Variants in PRKG1 observed in about 807,000 individuals in gnomAD.
PRKG1 encodes cGMP-dependent protein kinase 1.
PRKG1 carries 35 observed loss-of-function variants against 88.1 expected under a neutral mutation model. The ratio of observed to expected loss-of-function variants is 0.40; its 90% CI spans 0.30 to 0.53. The LOEUF (loss-of-function observed/expected upper bound fraction) is 0.53, where lower values mean the gene tolerates loss of function less well. PRKG1 is among the 20% of genes least tolerant of loss of function. PRKG1 has a pLI of 0.59. For missense variants in PRKG1, 540 were observed against 839.8 expected (o/e 0.64, Z 4.41); for synonymous variants, 303 against 292.5 (o/e 1.04, Z -0.37).
chr10:51,667,930 G>A (rs944869809), intron 3 of PRKG1, among the ~76,000 whole-genome samples: 1 of 152,066 alleles, frequency 6.6e-6, no homozygotes, highest in Non-Finnish European at 1.5e-5. Context: ...TGGCCCTGAA[G>A]TTGGTTGAGA....
At chr10:52,100,510 G>A (rs957150601) in intron 7 of PRKG1, among the ~76,000 whole-genome samples, 3 of 152,204 alleles carry the variant, frequency 2.0e-5, no homozygotes, top group Non-Finnish European at 4.4e-5. Flanking sequence ...AGGGTTAAAT[G>A]CTATAGATTT....
chr10:52,106,266 T>C (rs1847419460), intron 7 of PRKG1, among the ~76,000 whole-genome samples: 2 of 152,230 alleles, frequency 1.3e-5, no homozygotes, highest in South Asian at 4.1e-4. Context: ...CAAAAACTAT[T>C]TGGCATGACT....
intron 3 of PRKG1, among the ~76,000 whole-genome samples, chr10:51,536,228 G>A (rs1842148013): frequency 6.6e-6 from 1 of 152,134 alleles, no homozygotes; most frequent in Non-Finnish European, 1.5e-5. Flanking sequence ...GCAGTGCTGG[G>A]AAAGGACACT....
At chr10:51,607,053 G>A (rs1024416145) in intron 3 of PRKG1, among the ~76,000 whole-genome samples, 6 of 152,170 alleles carry the variant, frequency 3.9e-5, no homozygotes, top group Non-Finnish European at 8.8e-5. Flanking sequence ...TGTGTCTGCT[G>A]ATGAAAAGCC....
In PRKG1 at chr10:51,907,584, GC is replaced by G. The variant is rs778650565; in HGVS notation, c.762+16del. On this transcript the variant is annotated intron_variant, in intron 5 of 17. Coordinates refer to ENST00000373980, the MANE Select transcript of PRKG1 (RefSeq NM_006258.4). ...GTCCTTGAAGAGGTAATTGTTTTTA[GC>G]CTTTGAACTTTTTGAGATGGGATCC... The G allele has an allele frequency of 6.2e-7, 1 of 1,609,930 alleles. No individual in the cohort carries two copies. The highest frequency in any genetic ancestry group is 1.7e-5 in the Admixed American group (1 of 59,906).
At chr10:52,054,274 A>C (rs1846056755) in intron 5 of PRKG1, among the ~76,000 whole-genome samples, 1 of 152,176 alleles carries the variant, frequency 6.6e-6, no homozygotes, top group Non-Finnish European at 1.5e-5. Flanking sequence ...TGTAATAATA[A>C]TAAAAAAAGA....
intron 3 of PRKG1, among the ~76,000 whole-genome samples, chr10:51,617,439 G>T (rs1244258186): frequency 6.6e-6 from 1 of 152,080 alleles, no homozygotes; most frequent in African/African-American, 2.4e-5. Flanking sequence ...AGCCCCCAAG[G>T]TGCTGGTACC....
At chr10:51,602,343 T>G (rs1037186063) in intron 3 of PRKG1, among the ~76,000 whole-genome samples, 2 of 152,194 alleles carry the variant, frequency 1.3e-5, no homozygotes, top group African/African-American at 2.4e-5. Context: ...CAGAAATTAT[T>G]TGAGTTATTT....
intron 2 of PRKG1, among the ~76,000 whole-genome samples, chr10:51,265,016 A>G (rs1839803691): frequency 1.3e-5 from 2 of 152,094 alleles, no homozygotes; most frequent in African/African-American, 2.4e-5. Flanking sequence ...TGGCTTGTGA[A>G]TTTTTTTAAA....
At chr10:51,803,095 C>T (rs942024141) in intron 3 of PRKG1, among the ~76,000 whole-genome samples, 2 of 152,086 alleles carry the variant, frequency 1.3e-5, no homozygotes, top group African/African-American at 4.8e-5. Context: ...CTCCTGATTT[C>T]CCAAGTTCTT....
At chr10:51,215,247 A>C (rs1838341044) in intron 2 of PRKG1, among the ~76,000 whole-genome samples, 1 of 152,234 alleles carries the variant, frequency 6.6e-6, no homozygotes, top group Admixed American at 6.5e-5. Context: ...TTGAAGAAAG[A>C]ATCCGCAAAT....
At chr10:52,027,860 C>A (rs1845381171) in intron 5 of PRKG1, among the ~76,000 whole-genome samples, 1 of 152,146 alleles carries the variant, frequency 6.6e-6, no homozygotes, top group South Asian at 2.1e-4. Context: ...GCAATCTTGG[C>A]TCATTTCAAC....
intron 7 of PRKG1, among the ~76,000 whole-genome samples, chr10:52,101,587 C>T (rs1054865311): frequency 1.3e-5 from 2 of 152,178 alleles, no homozygotes; most frequent in Non-Finnish European, 1.5e-5. Context: ...TGAATTCTTA[C>T]TGGGCCAAGT....
chr10:51,746,239 C>G (rs142642791), intron 3 of PRKG1, among the ~76,000 whole-genome samples: 4 of 151,868 alleles, frequency 2.6e-5, no homozygotes, highest in African/African-American at 9.7e-5. Flanking sequence ...TGTACAAAGC[C>G]AAACCGAACA....
chr10:52,148,669 C>T lies in PRKG1; in HGVS notation c.1002-13220C>T, dbSNP rs191421617. Among the ~76,000 whole-genome samples, 80 of 152,142 alleles carry T rather than the reference C, an allele frequency of 5.3e-4. 3 individuals are homozygous for T. Among genetic ancestry groups the T allele is most frequent in the Non-Finnish European group, 1.5e-4 (10 of 68,008 alleles). On this transcript the variant is annotated intron_variant, in intron 8 of 17. Transcript: ENST00000373980. ...GGCATCAGTGATCAGCACAGAGCCCCTTAGTGGAGTGCCATGAGCGTCTAT... is the reference window on the plus strand; with the variant it reads ...GGCATCAGTGATCAGCACAGAGCCCTTTAGTGGAGTGCCATGAGCGTCTAT...
rs569060327 is a variant in PRKG1, at chr10:51,966,356, T to C, written c.762+58786T>C. Among the ~76,000 whole-genome samples the C allele has an allele frequency of 1.3e-4, 20 of 152,308 alleles. No individual in the cohort carries two copies. The South Asian group carries it at 1.7e-3, about 13-fold the overall frequency. On this transcript the variant is annotated intron_variant, in intron 5 of 17. Transcript: ENST00000373980. ...TTTAATAATTCCTTTCTCTGTGGCCTGTGGAACACTTTCTTACATATGAAT... is the reference window on the plus strand; with the variant it reads ...TTTAATAATTCCTTTCTCTGTGGCCCGTGGAACACTTTCTTACATATGAAT...
intron 3 of PRKG1, among the ~76,000 whole-genome samples, chr10:51,760,142 C>G (rs1216328465): frequency 6.6e-6 from 1 of 152,134 alleles, no homozygotes; most frequent in South Asian, 2.1e-4. Context: ...GTGTTTTATT[C>G]GATGTGTTAA....
At chr10:51,680,517 A>G (rs1028630647) in intron 3 of PRKG1, among the ~76,000 whole-genome samples, 13 of 152,240 alleles carry the variant, frequency 8.5e-5, no homozygotes, top group African/African-American at 3.1e-4. Context: ...CCTTCTGATA[A>G]CAATAGCAGC....
chr10:52,280,161 A>C (rs1841970480), intron 12 of PRKG1, among the ~76,000 whole-genome samples: 1 of 152,100 alleles, frequency 6.6e-6, no homozygotes. Flanking sequence ...CCCCTTAATA[A>C]GAATTCAGTA....
Sources: allele counts gnomAD v4.1 joint callset (sites outside exome capture counted in the v4.1 genomes callset), GRCh38; gene constraint gnomAD v4.1.1; transcripts MANE v1.5; gene names NCBI Gene and HGNC (gene_info 2026-07-23, HGNC 2026-07-21).